Variants in DDX4 observed in about 807,000 individuals in gnomAD.
DDX4 encodes the protein DEAD-box helicase 4.
Under a neutral mutation model 100.0 loss-of-function variants are expected in DDX4, and 25 were observed. That is an observed-to-expected ratio of 0.25 (90% CI 0.18 to 0.35). DDX4 has a LOEUF of 0.35. Ranked by LOEUF, DDX4 falls within the 10% of genes least tolerant of loss-of-function variation. The pLI, the probability that DDX4 is intolerant of heterozygous loss-of-function variation, is 1.00. For synonymous variants in DDX4, 259 were observed against 275.7 expected (o/e 0.94, Z 0.60); for missense variants, 635 against 882.4 (o/e 0.72, Z 3.55).
At chr5:55,812,890 G>A (rs1404296991) in intron 18 of DDX4, among the ~76,000 whole-genome samples, 1 of 151,454 alleles carries the variant, frequency 6.6e-6, no homozygotes, top group African/African-American at 2.4e-5. Flanking sequence ...AAACATGACA[G>A]GCATCTAGTA....
chr5:55,743,010 G>A (rs1003814375), intron 2 of DDX4, among the ~76,000 whole-genome samples: 1 of 152,148 alleles, frequency 6.6e-6, no homozygotes, highest in Non-Finnish European at 1.5e-5. Flanking sequence ...TGAGAAGGAG[G>A]AGGGAACAAA....
intron 18 of DDX4, among the ~76,000 whole-genome samples, chr5:55,803,378 G>A (rs975382321): frequency 3.3e-5 from 5 of 149,710 alleles, no homozygotes; most frequent in African/African-American, 1.2e-4. Context: ...ACAATGTGCA[G>A]GTTAGTTACA....
At chr5:55,810,846 T>G (rs2112183741) in intron 18 of DDX4, among the ~76,000 whole-genome samples, 1 of 152,266 alleles carries the variant, frequency 6.6e-6, no homozygotes, top group South Asian at 2.1e-4. Flanking sequence ...GAATATTTGA[T>G]TAGTGTAGGA....
At chr5:55,746,250 C>T (rs1759244174) in intron 3 of DDX4, 29 bp downstream of exon 3, 1 of 1,588,496 alleles carries the variant, frequency 6.3e-7, no homozygotes, top group Non-Finnish European at 8.6e-7. Context: ...AGGTAAAACC[C>T]TTTTTAGTTT....
Position 55,764,051 on chromosome 5 carries a change from T to C in DDX4, c.321T>C (p.Ser107=). The C allele has an allele frequency of 3.1e-6, 5 of 1,610,182 alleles. No homozygotes were observed. Among genetic ancestry groups the C allele is most frequent in the Non-Finnish European group, 4.2e-6 (5 of 1,176,696 alleles). Residue 107 remains serine, a synonymous_variant, in exon 6 of 22, where the codon TCT becomes TCC. Coordinates refer to ENST00000505374, the MANE Select transcript of DDX4 (RefSeq NM_024415.3). ...SNSRFEDGDS[S]GFWRESSNDC... ...GCAGGTTTGAAGATGGTGATAGCTCTGGTTTCTGGAGAGGTAAGGTTGATA... is the reference window on the plus strand; with the variant it reads ...GCAGGTTTGAAGATGGTGATAGCTCCGGTTTCTGGAGAGGTAAGGTTGATA...
In DDX4 at chr5:55,787,204, C is replaced by T. The variant is rs1437173959; in HGVS notation, c.1017+534C>T. ...ACTCTTATTTCTATGATCATAGAGT[C>T]CATGAGGTCATACCATTTTAGTCTT... On this transcript the variant is annotated intron_variant, in intron 14 of 21. Transcript: ENST00000505374. 3.3e-5 allele frequency among the ~76,000 whole-genome samples: 5 copies of T among 152,110 alleles called. No individual in the cohort carries two copies. The East Asian group carries it at 9.6e-4, about 29-fold the overall frequency.
chr5:55,808,829 A>C (rs565365908), intron 18 of DDX4, among the ~76,000 whole-genome samples: 1 of 151,598 alleles, frequency 6.6e-6, no homozygotes, highest in South Asian at 2.1e-4. Context: ...GAGAACCACT[A>C]CTCTCTTCAA....
At chr5:55,768,096 A>G (rs1741040999) in intron 7 of DDX4, 156 bp downstream of exon 7, 4 of 677,350 alleles carry the variant, frequency 5.9e-6, no homozygotes, top group Non-Finnish European at 1.0e-5. Flanking sequence ...TTGAGTGAGT[A>G]TTCAGTGGGT....
At chr5:55,786,425 C>T in intron 13 of DDX4, 93 bp from the exon 14 acceptor site, 1 of 984,194 alleles carries the variant, frequency 1.0e-6, no homozygotes, top group Admixed American at 2.6e-5. Flanking sequence ...GTAGAATTAA[C>T]AGAACTTGGA....
intron 5 of DDX4, among the ~76,000 whole-genome samples, chr5:55,763,813 G>C (rs1190009704): frequency 1.3e-5 from 2 of 152,120 alleles, no homozygotes; most frequent in Admixed American, 6.5e-5. Context: ...AAAGAAAGTT[G>C]TTTTTAACCT....
chr5:55,768,176 A>G, intron 7 of DDX4: 1 of 482,980 alleles, frequency 2.1e-6, no homozygotes, highest in Non-Finnish European at 3.8e-6. Context: ...TAGGTTTGTT[A>G]TCTAGGTAAA....
At chr5:55,806,063 G>C (rs1287887123) in intron 18 of DDX4, among the ~76,000 whole-genome samples, 1 of 152,168 alleles carries the variant, frequency 6.6e-6, no homozygotes, top group African/African-American at 2.4e-5. Flanking sequence ...GAGGGTGTAT[G>C]TGTCCATGAA....
chr5:55,753,171 A>G (rs1759677774), intron 3 of DDX4, among the ~76,000 whole-genome samples: 1 of 152,114 alleles, frequency 6.6e-6, no homozygotes, highest in Admixed American at 6.5e-5. Context: ...TTTGCTGTGC[A>G]GAAGCTCTTT....
chr5:55,764,126 A>C, intron 6 of DDX4, 62 bp downstream of exon 6: 5 of 1,213,042 alleles, frequency 4.1e-6, no homozygotes, highest in Non-Finnish European at 6.1e-6. Flanking sequence ...AAAAAGAGAA[A>C]TTAAGATTAA....
chr5:55,783,464 T>G (rs377617977), intron 10 of DDX4, among the ~76,000 whole-genome samples: 1 of 152,152 alleles, frequency 6.6e-6, no homozygotes, highest in Non-Finnish European at 1.5e-5. Flanking sequence ...AGATTACTCG[T>G]TATCTAAAAA....
intron 3 of DDX4, among the ~76,000 whole-genome samples, chr5:55,747,773 C>T (rs535158586): frequency 6.6e-6 from 1 of 152,266 alleles, no homozygotes. Context: ...CCATCTACTT[C>T]CGGTGAATTT....
chr5:55,814,787 G>T lies in DDX4; in HGVS notation c.1716-114G>T, dbSNP rs1436469260. The T allele has an allele frequency of 4.1e-6, 5 of 1,233,958 alleles. No individual in the cohort carries two copies. The African/African-American group carries it at 7.6e-5, about 19-fold the overall frequency. The allele number at this position is 1,233,958 out of a possible 1,614,324, so 76.4% of individuals were successfully genotyped here. A position where few individuals can be genotyped will look rare whatever the true frequency, so the allele number is the denominator to read the frequency against. Reference sequence around the variant, plus strand: ...TTACAGGTGTGAGCCACTGCGCCCAGCCAAATGCTGCTATTCATACTATTA... The same window carrying T: ...TTACAGGTGTGAGCCACTGCGCCCATCCAAATGCTGCTATTCATACTATTA... On this transcript the variant is annotated intron_variant, in intron 19 of 21. Transcript: ENST00000505374.
intron 18 of DDX4, among the ~76,000 whole-genome samples, chr5:55,802,496 G>C (rs1743381970): frequency 1.3e-5 from 2 of 152,238 alleles, no homozygotes; most frequent in South Asian, 4.2e-4. Context: ...TTATTTCATT[G>C]TATATGTTAG....
chr5:55,793,289 G>T (rs1434564064), intron 17 of DDX4, among the ~76,000 whole-genome samples: 1 of 152,078 alleles, frequency 6.6e-6, no homozygotes, highest in Non-Finnish European at 1.5e-5. Context: ...ATCCCTACTG[G>T]AATGGTGACT....
Sources: gnomAD v4.1 joint callset for allele counts (sites outside exome capture counted in the v4.1 genomes callset) on GRCh38, gnomAD v4.1.1 for gene constraint, MANE v1.5 for transcripts, NCBI Gene and HGNC (gene_info 2026-07-23, HGNC 2026-07-21) for gene names.